ENOPH1: variants seen among roughly 807,000 people sequenced by gnomAD.
ENOPH1 encodes the protein enolase-phosphatase 1, also known as enolase-phosphatase E1.
ENOPH1 carries 14 observed loss-of-function variants against 31.1 expected under a neutral mutation model. The ratio of observed to expected loss-of-function variants is 0.45; its 90% confidence interval spans 0.30 to 0.70. ENOPH1 has a LOEUF of 0.70. Ranked by LOEUF, ENOPH1 falls within the 30% of genes least tolerant of loss-of-function variation. The pLI, the probability that ENOPH1 is intolerant of heterozygous loss-of-function variation, is 0.09. For synonymous variants in ENOPH1, 127 were observed against 123.2 expected (o/e 1.03, Z -0.21); for missense variants, 243 against 321.5 (o/e 0.76, Z 1.87).
chr4:82,446,289 G>A (rs938313727), intron 1 of ENOPH1, among the ~76,000 whole-genome samples: 2 of 151,906 alleles, frequency 1.3e-5, no homozygotes, highest in African/African-American at 4.8e-5. Flanking sequence ...GTGGTGGCAG[G>A]TGCCTGTAAT....
Position 82,451,139 on chromosome 4 carries a change from G to C in ENOPH1, c.283G>C (p.Asp95His), listed in dbSNP as rs1480055109. The C allele has an allele frequency of 1.9e-6, 3 of 1,614,236 alleles. No homozygotes were observed. The highest frequency in any genetic ancestry group is 1.1e-5 in the South Asian group (1 of 91,086). ...GCAACAGATGATCCAGGCCGTGGTA[G>C]ATAATGTGTGCTGGCAGATGTCCCT... ...DLQQMIQAVV[D>H]NVCWQMSLDR... is the part of the protein sequence containing the mutation. Residue 95 changes from aspartate to histidine, a missense_variant, in exon 3 of 6, where the codon GAT becomes CAT. Transcript: ENST00000273920.
chr4:82,458,007 A>G (rs1158731789), intron 5 of ENOPH1, among the ~76,000 whole-genome samples: 1 of 152,224 alleles, frequency 6.6e-6, no homozygotes, highest in Non-Finnish European at 1.5e-5. Flanking sequence ...AAATGAAATT[A>G]GCTCCCTTTG....
chr4:82,456,268 T>TA (rs1722489952), intron 4 of ENOPH1, among the ~76,000 whole-genome samples: 1 of 151,218 alleles, frequency 6.6e-6, no homozygotes, highest in African/African-American at 2.4e-5. Context: ...GAGTGCTTAC[T>TA]ATGCTTGTTT....
intron 4 of ENOPH1, among the ~76,000 whole-genome samples, chr4:82,455,502 C>T (rs373300303): frequency 1.3e-5 from 2 of 152,112 alleles, no homozygotes; most frequent in Admixed American, 6.6e-5. Flanking sequence ...ATTTACCGGC[C>T]GGGCGCAGTG....
At chr4:82,451,538 A>G (rs1376412929) in intron 3 of ENOPH1, among the ~76,000 whole-genome samples, 3 of 152,208 alleles carry the variant, frequency 2.0e-5, no homozygotes, top group Non-Finnish European at 4.4e-5. Context: ...GAACTAAGTC[A>G]TATTTGATTC....
At chr4:82,450,953 A>C in intron 2 of ENOPH1, 90 bp from the exon 3 acceptor site, 1 of 1,028,938 alleles carries the variant, frequency 9.7e-7, no homozygotes, top group Non-Finnish European at 1.5e-6. Context: ...ATGATGGAGA[A>C]AGTTGTTCTG....
intron 1 of ENOPH1, among the ~76,000 whole-genome samples, chr4:82,440,835 A>G (rs774109699): frequency 3.3e-5 from 5 of 152,216 alleles, no homozygotes; most frequent in Non-Finnish European, 7.3e-5. Flanking sequence ...TTGAATGCAC[A>G]TGTGAAATCT....
chr4:82,431,479 C>T (rs938646567), intron 1 of ENOPH1, among the ~76,000 whole-genome samples: 15 of 152,174 alleles, frequency 9.9e-5, no homozygotes, highest in African/African-American at 3.4e-4. Context: ...GCGCTGTGGT[C>T]CATAGCGCTG....
intron 2 of ENOPH1, among the ~76,000 whole-genome samples, chr4:82,448,383 C>G (rs1475697282): frequency 1.3e-5 from 2 of 151,786 alleles, no homozygotes; most frequent in East Asian, 3.9e-4. Flanking sequence ...GCCTCAGCCT[C>G]CCGAGTAGCT....
chr4:82,433,724 CATACAT>C (rs1306968708), intron 1 of ENOPH1, among the ~76,000 whole-genome samples: 1 of 152,166 alleles, frequency 6.6e-6, no homozygotes, highest in Non-Finnish European at 1.5e-5. Flanking sequence ...CCTTCGGTAT[CATACAT>C]ATATATACAC....
chr4:82,446,662 C>CTTT (rs34342267), intron 1 of ENOPH1, among the ~76,000 whole-genome samples: 25 of 74,724 alleles, frequency 3.3e-4, no homozygotes, highest in South Asian at 1.0e-3. Flanking sequence ...TTGCACATCA[C>CTTT]TTTTTTTTTT....
intron 1 of ENOPH1, among the ~76,000 whole-genome samples, chr4:82,444,772 T>G (rs1261360138): frequency 6.6e-6 from 1 of 152,350 alleles, no homozygotes; most frequent in East Asian, 1.9e-4. Context: ...AGCCTTTTGT[T>G]GTATGTACTG....
intron 1 of ENOPH1, among the ~76,000 whole-genome samples, chr4:82,434,897 A>ACT (rs70964768): frequency 0.11 from 16,828 of 151,142 alleles, 1,147 homozygotes; most frequent in African/African-American, 0.19. Context: ...ACAGAGCGAG[A>ACT]CTGTCTTTAA....
At chr4:82,433,728 C>CAT (rs762364712) in intron 1 of ENOPH1, among the ~76,000 whole-genome samples, 2 of 152,162 alleles carry the variant, frequency 1.3e-5, no homozygotes, top group Non-Finnish European at 2.9e-5. Flanking sequence ...CGGTATCATA[C>CAT]ATATATATAC....
At chr4:82,448,174 C>T (rs577376327) in intron 2 of ENOPH1, among the ~76,000 whole-genome samples, 153 bp downstream of exon 2, 1 of 151,868 alleles carries the variant, frequency 6.6e-6, no homozygotes, top group Non-Finnish European at 1.5e-5. Context: ...CTTAGGAATT[C>T]ACAGTACATA....
chr4:82,459,028 C>T (rs1449190146), intron 5 of ENOPH1, among the ~76,000 whole-genome samples: 1 of 152,168 alleles, frequency 6.6e-6, no homozygotes, highest in Non-Finnish European at 1.5e-5. Context: ...GACTCTTCTC[C>T]AAAGGCTGAG....
At chr4:82,448,083 G>C in intron 2 of ENOPH1, 62 bp downstream of exon 2, 10 of 1,189,562 alleles carry the variant, frequency 8.4e-6, no homozygotes, top group Non-Finnish European at 1.2e-5. Context: ...TGGAGATTTA[G>C]GACATGCTCT....
intron 1 of ENOPH1, among the ~76,000 whole-genome samples, chr4:82,446,678 T>G (rs1312584296): frequency 8.7e-6 from 1 of 115,350 alleles, no homozygotes. Flanking sequence ...TTTTTTTTTG[T>G]GTGACGGAAT....
rs1208585673 is a variant in ENOPH1, at chr4:82,448,115, C to T, written c.186+94C>T. 10 of 801,004 alleles carry T rather than the reference C, an allele frequency of 1.2e-5. No individual in the cohort carries two copies. The Admixed American group carries it at 2.5e-4, about 20-fold the overall frequency. 49.6% of individuals were successfully genotyped at this position (801,004 alleles called of 1,614,324 possible). A position where few individuals can be genotyped will look rare whatever the true frequency, so the allele number is the denominator to read the frequency against. ...CTCTGAGCATTTTGTAAAATAAGTG[C>T]CCTGGTTTGATAGGGGATAGAAGTT... On this transcript the variant is annotated intron_variant, in intron 2 of 5. Transcript: ENST00000273920.
Sources: gnomAD v4.1 joint callset for allele counts (sites outside exome capture counted in the v4.1 genomes callset) on GRCh38, gnomAD v4.1.1 for gene constraint, MANE v1.5 for transcripts, NCBI Gene and HGNC (gene_info 2026-07-23, HGNC 2026-07-21) for gene names.